The following PHLDB3 variants were observed in gnomAD, a reference collection of about 807,000 sequenced individuals.
PHLDB3 encodes the protein pleckstrin homology-like domain family B member 3.
Under a neutral mutation model 85.7 loss-of-function variants are expected in PHLDB3, and 86 were observed. That is an observed-to-expected ratio of 1.00 (90% CI 0.84 to 1.20). The LOEUF (loss-of-function observed/expected upper bound fraction) is 1.20, where lower values mean the gene tolerates loss of function less well. Ranked by LOEUF, PHLDB3 falls within the 50% of genes most tolerant of loss-of-function variation. The pLI is 0.00. For missense variants in PHLDB3, 995 were observed against 873.0 expected (o/e 1.14, Z -1.76); for synonymous variants, 376 against 349.8 (o/e 1.07, Z -0.83).
At chr19:43,504,361 G>T (rs1971703247) in intron 1 of PHLDB3, 1 of 581,156 alleles carries the variant, frequency 1.7e-6, no homozygotes, top group Non-Finnish European at 3.0e-6. Context: ...AGTCCGGGTC[G>T]TAGCACGCCC....
rs760268953 is a variant in PHLDB3 at position 43,497,825 on chromosome 19, T to C, written c.586A>G (p.Arg196Gly). 1.3e-6 allele frequency: 2 copies of C among 1,569,352 alleles called. No individual in the cohort carries two copies. Among genetic ancestry groups the C allele is most frequent in the Admixed American group, 3.8e-5 (2 of 52,940 alleles). ...ERDRLEGLRQ[R>G]LRKAQGQLDS... ...AGCTGTCCCTGGGCCTTGCGGAGTC[T>C]CTGGCGAAGACCCTCTAGGCGATCC... The change falls in exon 5 of 16, where the codon AGA becomes GGA. Residue 196 changes from arginine (R) to glycine (G), a missense_variant. Physicochemically the swap from Arg to Gly is moderately radical, Grantham distance 125. Transcript: ENST00000292140.
chr19:43,501,514 A>T, intron 4 of PHLDB3: 1 of 862,424 alleles, frequency 1.2e-6, no homozygotes, highest in Non-Finnish European at 1.7e-6. Context: ...ACCCACATTT[A>T]AATAGCAAAC....
intron 4 of PHLDB3, among the ~76,000 whole-genome samples, chr19:43,499,103 AG>A (rs1309650414): frequency 1.3e-5 from 2 of 152,082 alleles, no homozygotes; most frequent in African/African-American, 2.4e-5. Context: ...GAGTCCTCCA[AG>A]CAATGAGGGT....
At chr19:43,491,279 C>G (rs1033190017) in intron 9 of PHLDB3, among the ~76,000 whole-genome samples, 1 of 152,116 alleles carries the variant, frequency 6.6e-6, no homozygotes, top group Non-Finnish European at 1.5e-5. Context: ...ATCTGCTAAC[C>G]CTTCACCCAA....
intron 14 of PHLDB3, 93 bp downstream of exon 14, chr19:43,479,284 A>G: frequency 7.7e-7 from 1 of 1,297,620 alleles, no homozygotes; most frequent in African/African-American, 1.5e-5. Flanking sequence ...GAACATGGAA[A>G]GTGGGGGCCA....
intron 2 of PHLDB3, 62 bp from the exon 3 acceptor site, chr19:43,502,345 T>G: frequency 6.8e-7 from 1 of 1,475,792 alleles, no homozygotes; most frequent in Non-Finnish European, 9.1e-7. Context: ...ACTAAGTAGG[T>G]CTGGTCCCCA....
Position 43,487,591 on chromosome 19 carries a change from A to AC in PHLDB3, c.1150-469_1150-468insG, listed in dbSNP as rs1555754934. 4.9e-4 allele frequency among the ~76,000 whole-genome samples: 57 copies of AC among 115,814 alleles called. 5 individuals carry two copies. Among genetic ancestry groups the AC allele is most frequent in the Admixed American group, 7.2e-4 (9 of 12,566 alleles). The allele number at this position is 115,814 out of a possible 152,430, so 76.0% of individuals were successfully genotyped here. A position where few individuals can be genotyped will look rare whatever the true frequency, so the allele number is the denominator to read the frequency against. ...CTCTGTCTCAAAAAAAAAAAAAAAA[A>AC]ACACAGAAAAGAAAAAAAGAAATGT... On this transcript the variant is annotated intron_variant, in intron 9 of 15. Transcript: ENST00000292140.
chr19:43,485,919 C>T, intron 13 of PHLDB3: 1 of 952,034 alleles, frequency 1.1e-6, no homozygotes, highest in Non-Finnish European at 1.3e-6. Flanking sequence ...GCTATAATCC[C>T]AGTACTCTGG....
chr19:43,491,958 TG>T (rs570072482), intron 9 of PHLDB3, among the ~76,000 whole-genome samples: 25 of 114,328 alleles, frequency 2.2e-4, no homozygotes, highest in African/African-American at 3.2e-4. Context: ...TTTTTTTTTT[TG>T]TTTTTTTTTT....
At chr19:43,482,726 CG>C (rs1381433899) in intron 13 of PHLDB3, among the ~76,000 whole-genome samples, 3 of 151,938 alleles carry the variant, frequency 2.0e-5, no homozygotes, top group Non-Finnish European at 2.9e-5. Flanking sequence ...TCAGTAGAGA[CG>C]GGGTTTCTCC....
rs1397964365 is a variant in PHLDB3 at position 43,495,624 on chromosome 19, T to C, written c.826-4A>G. 6.2e-7 allele frequency: 1 copy of C among 1,605,802 alleles called. No individual in the cohort carries two copies. Among genetic ancestry groups the C allele is most frequent in the Non-Finnish European group, 8.5e-7 (1 of 1,176,482 alleles). On this transcript the variant is annotated splice_polypyrimidine_tract_variant and splice_region_variant and intron_variant, in intron 6 of 15. Coordinates refer to ENST00000292140, the MANE Select transcript of PHLDB3 (RefSeq NM_198850.4). ...TCCGGTGCTGCAGAGCACCCCTCTG[T>C]CCCGGTTACTCATCTGTCACGGCCC...
At position 43,485,956 on chromosome 19, in the gene PHLDB3, G is replaced by T. The variant is rs946101208; in HGVS notation, c.1485+310C>A. On this transcript the variant is annotated intron_variant, in intron 13 of 15. Coordinates refer to ENST00000292140, the MANE Select transcript of PHLDB3 (RefSeq NM_198850.4). ...AGGCTGAGGCAGGAGGATTGCTTGA[G>T]GCCAGGAATAAGTCCCAGCATGGAC... is the stretch of plus-strand genomic sequence containing the variant. 5 of 984,552 alleles carry T rather than the reference G, an allele frequency of 5.1e-6. No homozygotes were observed. In the African/African-American group the frequency reaches 8.7e-5, roughly 17 times the overall value. The allele number at this position is 984,552 out of a possible 1,614,324, so 61.0% of individuals were successfully genotyped here. A position where few individuals can be genotyped will look rare whatever the true frequency, so the allele number is the denominator to read the frequency against.
intron 9 of PHLDB3, among the ~76,000 whole-genome samples, chr19:43,492,539 T>C (rs980583157): frequency 9.2e-5 from 14 of 151,674 alleles, no homozygotes; most frequent in Admixed American, 6.6e-4. Flanking sequence ...CTTAACAGTA[T>C]TGCTTAAACT....
At chr19:43,487,591 A>AAAAAAAAAAAAAAAC (rs1167897767) in intron 9 of PHLDB3, among the ~76,000 whole-genome samples, 67 of 115,632 alleles carry the variant, frequency 5.8e-4, no homozygotes, top group Non-Finnish European at 9.6e-4. Context: ...AAAAAAAAAA[A>AAAAAAAAAAAAAAAC]ACACAGAAAA....
chr19:43,486,868 A>G lies in PHLDB3; in HGVS notation c.1252T>C (p.Ser418Pro), dbSNP rs746745246. The change falls in exon 11 of 16, where the codon TCC becomes CCC. Residue 418 changes from serine to proline, a missense_variant and splice_region_variant. Ser to Pro is a moderately conservative substitution (Grantham distance 74). Transcript: ENST00000292140. Reference sequence around the variant, plus strand: ...GGCGGGAGAGCTGAGGCCTCCAGGGATTCTAGGGTAGAGGGGACCAGGTTA... The same window carrying G: ...GGCGGGAGAGCTGAGGCCTCCAGGGGTTCTAGGGTAGAGGGGACCAGGTTA... ...PRPLSFHCTE[S>P]LEASALPPAV... The G allele has an allele frequency of 1.3e-6, 2 of 1,553,410 alleles. No individual in the cohort carries two copies. Among genetic ancestry groups the G allele is most frequent in the African/African-American group, 2.7e-5 (2 of 73,476 alleles).
At chr19:43,497,643 C>T (rs1033092809) in intron 5 of PHLDB3, 105 bp downstream of exon 5, 90 of 1,216,272 alleles carry the variant, frequency 7.4e-5, no homozygotes, top group Non-Finnish European at 5.0e-5. Flanking sequence ...ACCTGGGAGG[C>T]GGAGGTTGCA....
chr19:43,502,083 A>T lies in PHLDB3; in HGVS notation c.396+18T>A. The T allele has an allele frequency of 6.4e-7, 1 of 1,556,064 alleles. No homozygotes were observed. The highest frequency in any genetic ancestry group is 1.4e-5 in the African/African-American group (1 of 73,322). On this transcript the variant is annotated intron_variant, in intron 3 of 15. Coordinates refer to ENST00000292140, the MANE Select transcript of PHLDB3 (RefSeq NM_198850.4). ...GCTTGAGTTGGGGCCAGGCTTCCCA[A>T]GGGGTCCGCAGCCTCACCTCGATCC...
chr19:43,496,062 G>A (rs1423043244), intron 6 of PHLDB3: 1 of 155,946 alleles, frequency 6.4e-6, no homozygotes, highest in African/African-American at 2.5e-5. Context: ...TGTTGCCCAG[G>A]CTGGAGTGCA....
chr19:43,485,415 C>G (rs10425455), intron 13 of PHLDB3, among the ~76,000 whole-genome samples: 90,694 of 151,124 alleles, frequency 0.6, 27,265 homozygotes, highest in South Asian at 0.67. Flanking sequence ...GTTTCACCAT[C>G]TTGGCCAGGC....
Sources: gnomAD v4.1 joint callset for allele counts (sites outside exome capture counted in the v4.1 genomes callset) on GRCh38, gnomAD v4.1.1 for gene constraint, MANE v1.5 for transcripts, NCBI Gene and HGNC (gene_info 2026-07-23, HGNC 2026-07-21) for gene names.